The following ALLC variants were observed in gnomAD, a reference collection of about 807,000 sequenced individuals.
The protein encoded by ALLC is probable inactive allantoicase.
A neutral mutation model predicts 45.0 loss-of-function variants in ALLC; 40 were observed. The ratio of observed to expected loss-of-function variants is 0.89; its 90% CI spans 0.69 to 1.16. The LOEUF (loss-of-function observed/expected upper bound fraction) is 1.16, where lower values mean the gene tolerates loss of function less well. Ranked by LOEUF, ALLC falls within the 50% of genes most tolerant of loss-of-function variation. ALLC has a pLI of 0.00. For synonymous variants in ALLC, 176 were observed against 178.1 expected, an observed-to-expected ratio of 0.99 and a Z score of 0.09; for missense variants, 488 against 493.1, an observed-to-expected ratio of 0.99 and a Z score of 0.10.
chr2:3,659,389 G>A (rs1558532276), intron 1 of ALLC, among the ~76,000 whole-genome samples: 1 of 152,182 alleles, frequency 6.6e-6, no homozygotes, highest in Non-Finnish European at 1.5e-5. Context: ...CCATGACAAT[G>A]CTCCTCATTT....
chr2:3,701,656 C>A lies in ALLC; in HGVS notation c.975+20C>A, dbSNP rs146220557. 1 of 1,606,112 alleles carries A rather than the reference C, an allele frequency of 6.2e-7. No homozygotes were observed. Among genetic ancestry groups the A allele is most frequent in the African/African-American group, 1.3e-5 (1 of 74,880 alleles). Reference sequence around the variant, plus strand: ...ACCAAGGTTCGTGTGGCATGTTATTCGGATCCAGCACTCAGACTGTGCTAT... The same window carrying A: ...ACCAAGGTTCGTGTGGCATGTTATTAGGATCCAGCACTCAGACTGTGCTAT... On this transcript the variant is annotated intron_variant, in intron 11 of 11. Transcript: ENST00000252505.
intron 10 of ALLC, 41 bp downstream of exon 10, chr2:3,697,497 G>A: frequency 6.5e-7 from 1 of 1,535,978 alleles, no homozygotes; most frequent in South Asian, 1.1e-5. Flanking sequence ...TAATTGGTTT[G>A]TTTATTCTAA....
At chr2:3,651,416 TGTGTGTGTGTGTGTGTGTGTGTGTGTTA>T in the ALLC span, among the ~76,000 whole-genome samples, 46 of 52,882 alleles carry the variant, frequency 8.7e-4, 3 homozygotes, top group African/African-American at 2.3e-3. Flanking sequence ...TGTGTGTGTG[TGTGTGTGTGTGTGTGTGTGTGTGTGTTA>T]GGAAGGGAGA....
At chr2:3,669,145 T>C (rs1572508851) in intron 1 of ALLC, among the ~76,000 whole-genome samples, 1 of 151,376 alleles carries the variant, frequency 6.6e-6, no homozygotes, top group East Asian at 2.0e-4. Flanking sequence ...GAGACCAGCT[T>C]GGCCAACATG....
At chr2:3,657,489 A>G (rs768334515), upstream of ALLC, among the ~76,000 whole-genome samples, 1 of 151,852 alleles carries the variant, frequency 6.6e-6, no homozygotes, top group Non-Finnish European at 1.5e-5. Flanking sequence ...CTCCCTGCGC[A>G]GGTGACCTCG....
upstream of ALLC, among the ~76,000 whole-genome samples, chr2:3,654,207 C>T (rs149935113): frequency 3.0e-4 from 45 of 152,128 alleles, no homozygotes; most frequent in East Asian, 8.7e-3. Context: ...GACAAGGCAG[C>T]TGGCTTCCCT....
chr2:3,660,720 C>T (rs1035155485), intron 1 of ALLC, among the ~76,000 whole-genome samples: 3 of 152,038 alleles, frequency 2.0e-5, no homozygotes, highest in South Asian at 2.1e-4. Flanking sequence ...TAAACTAATT[C>T]TGATTGGCTG....
intron 11 of ALLC, 67 bp from the exon 12 acceptor site, chr2:3,702,296 C>A: frequency 7.0e-7 from 1 of 1,422,922 alleles, no homozygotes. Flanking sequence ...TTGCCCGGGC[C>A]GTGGGCTCAT....
rs1311449794 is a variant in ALLC at position 3,673,957 on chromosome 2, C to T, written c.34-118C>T. On this transcript the variant is annotated intron_variant, in intron 2 of 11. Transcript: ENST00000252505. The stretch of plus-strand genomic sequence containing the variant: ...GCTTAACTGCAGATTCTGTCGCTTC[C>T]CCTAGGTGATTTCACGTTTTCTTTT... 3 of 743,728 alleles carry T rather than the reference C, an allele frequency of 4.0e-6. No individual in the cohort carries two copies. The African/African-American group carries it at 5.3e-5, about 13-fold the overall frequency. 46.1% of individuals were successfully genotyped at this position (743,728 alleles called of 1,614,324 possible).
At chr2:3,669,933 G>C (rs151050814) in intron 1 of ALLC, among the ~76,000 whole-genome samples, 1,541 of 152,320 alleles carry the variant, frequency 0.01, 109 homozygotes, top group Admixed American at 0.095. Context: ...TCGGGAAGGT[G>C]CTATGCATTT....
In ALLC at chr2:3,695,719, G is replaced by T. The variant is rs766517945; in HGVS notation, c.514G>T (p.Gly172Cys). ...ACTAAGGCACCTTTCCTTTTCAGAT[G>T]GTGGAATTGCACGACTTAGAGTATT... ...THIRLNIFPD[G>C]GIARLRVFGT... The change falls in exon 8 of 12, where the codon GGT (glycine) becomes TGT (cysteine). Residue 172 changes from glycine (G) to cysteine (C), a missense_variant and splice_region_variant. Gly to Cys is a radical substitution (Grantham distance 159, BLOSUM62 -3). Coordinates refer to ENST00000252505, the MANE Select transcript of ALLC (RefSeq NM_018436.4). 6.2e-7 allele frequency: 1 copy of T among 1,613,974 alleles called. No individual in the cohort carries two copies. Among genetic ancestry groups the T allele is most frequent in the Admixed American group, 1.7e-5 (1 of 60,024 alleles).
intron 1 of ALLC, among the ~76,000 whole-genome samples, chr2:3,660,768 A>G (rs1459196995): frequency 2.0e-5 from 3 of 151,856 alleles, no homozygotes; most frequent in Non-Finnish European, 4.4e-5. Flanking sequence ...TTTGGTGGGA[A>G]AAATGGTTAT....
At chr2:3,650,042 TGGAA>T in the ALLC span, among the ~76,000 whole-genome samples, 1 of 152,260 alleles carries the variant, frequency 6.6e-6, no homozygotes, top group Non-Finnish European at 1.5e-5. Context: ...ATTAGTGCCC[TGGAA>T]GGCACGGAGC....
At chr2:3,669,089 C>A (rs1013175135) in intron 1 of ALLC, among the ~76,000 whole-genome samples, 13 of 152,058 alleles carry the variant, frequency 8.5e-5, no homozygotes, top group Admixed American at 2.6e-4. Context: ...GTAATCCCAG[C>A]ACTTTGGGAG....
the ALLC span, among the ~76,000 whole-genome samples, chr2:3,648,877 T>C: frequency 1.3e-5 from 2 of 152,160 alleles, no homozygotes; most frequent in African/African-American, 4.8e-5. Context: ...TCCTCATTGG[T>C]GGAGTGAATG....
upstream of ALLC, among the ~76,000 whole-genome samples, chr2:3,655,813 A>T (rs1572498537): frequency 6.6e-6 from 1 of 152,144 alleles, no homozygotes; most frequent in South Asian, 2.1e-4. Context: ...CATTAAGGAA[A>T]CCACTGGCCT....
Position 3,685,864 on chromosome 2 carries a change from C to T in ALLC, c.511+2790C>T, listed in dbSNP as rs1031670171. Among the ~76,000 whole-genome samples, 2 of 150,888 alleles carry T rather than the reference C, an allele frequency of 1.3e-5. 1 individual carries two copies. Among genetic ancestry groups the T allele is most frequent in the South Asian group, 4.2e-4 (2 of 4,800 alleles). The stretch of plus-strand genomic sequence containing the variant: ...ACTGAGTTGTTAGCTATTGAGTTGT[C>T]CTTATATATTCTTGTTATTAATCCC... On this transcript the variant is annotated intron_variant, in intron 7 of 11. Coordinates refer to ENST00000252505, the MANE Select transcript of ALLC (RefSeq NM_018436.4).
chr2:3,675,835 T>C (rs1572514499), intron 3 of ALLC, among the ~76,000 whole-genome samples: 1 of 152,234 alleles, frequency 6.6e-6, no homozygotes, highest in East Asian at 1.9e-4. Context: ...AGCAAAATAC[T>C]GCAGATGGGT....
In ALLC at chr2:3,674,095, CT is replaced by C. The variant is rs1311069543; in HGVS notation, c.60del (p.Phe20LeufsTer8). ...GGKILFATDD[F>X]FAPAENLIKS... ...TCTAGATTTTATTTGCAACAGATGA[CT>C]TTTTTGCTCCTGCAGAAAACCTCAT... On this transcript the variant is annotated frameshift_variant, in exon 3 of 12. Transcript: ENST00000252505. LOFTEE classifies it high-confidence loss of function. 2.6e-6 allele frequency: 4 copies of C among 1,560,300 alleles called. No individual in the cohort carries two copies. The highest frequency in any genetic ancestry group is 1.9e-4 in the Middle Eastern group (1 of 5,208).
Sources: allele counts gnomAD v4.1 joint callset (sites outside exome capture counted in the v4.1 genomes callset), GRCh38; gene constraint gnomAD v4.1.1; transcripts MANE v1.5; gene names NCBI Gene and HGNC (gene_info 2026-07-23, HGNC 2026-07-21).